The following SLC44A5 variants were observed in gnomAD, a reference collection of about 807,000 sequenced individuals.
SLC44A5 encodes the protein solute carrier family 44 member 5, also known as choline transporter-like protein 5.
A neutral mutation model predicts 101.8 loss-of-function variants in SLC44A5; 57 were observed. That is an observed-to-expected ratio of 0.56 (90% CI 0.45 to 0.70). SLC44A5 has a LOEUF of 0.70. SLC44A5 is among the 30% of genes least tolerant of loss of function. The pLI is 0.00. For synonymous variants in SLC44A5, 281 were observed against 290.9 expected (o/e 0.97, Z 0.35); for missense variants, 737 against 853.1 (o/e 0.86, Z 1.70).
At chr1:75,390,187 GCC>G (rs1393708775) in intron 3 of SLC44A5, among the ~76,000 whole-genome samples, 2 of 151,868 alleles carry the variant, frequency 1.3e-5, no homozygotes, top group Non-Finnish European at 2.9e-5. Context: ...ACCAAAAAAA[GCC>G]CTGTAGCAGA....
At chr1:75,655,989 G>A in the SLC44A5 span, among the ~76,000 whole-genome samples, 1 of 152,010 alleles carries the variant, frequency 6.6e-6, no homozygotes, top group East Asian at 1.9e-4. Context: ...CAAAATTAAA[G>A]GGAAATCCTT....
chr1:75,213,816 G>C, intron 21 of SLC44A5, 23 bp from the exon 22 acceptor site: 1 of 1,578,674 alleles, frequency 6.3e-7, no homozygotes, highest in Middle Eastern at 1.7e-4. Context: ...GGTAGAACAT[G>C]TATATTATAC....
chr1:75,678,802 T>A, the SLC44A5 span, among the ~76,000 whole-genome samples: 1 of 151,996 alleles, frequency 6.6e-6, no homozygotes, highest in African/African-American at 2.4e-5. Flanking sequence ...CTTCAGACGA[T>A]CAAATTACCC....
chr1:75,351,497 G>T (rs987491294), intron 3 of SLC44A5, among the ~76,000 whole-genome samples: 1 of 152,076 alleles, frequency 6.6e-6, no homozygotes, highest in Admixed American at 6.6e-5. Context: ...ATTAAGCAGT[G>T]CACAAAAAGA....
At chr1:75,616,619 C>T in the SLC44A5 span, among the ~76,000 whole-genome samples, 2 of 152,316 alleles carry the variant, frequency 1.3e-5, no homozygotes, top group South Asian at 4.1e-4. Flanking sequence ...GGATAGCGAG[C>T]CCGAATTCCA....
the SLC44A5 span, among the ~76,000 whole-genome samples, chr1:75,676,580 G>A: frequency 1.3e-5 from 2 of 152,174 alleles, no homozygotes; most frequent in African/African-American, 4.8e-5. Flanking sequence ...AGGAAAAATA[G>A]CTAATGCATA....
chr1:75,241,617 A>ATG (rs1391770048), intron 9 of SLC44A5, among the ~76,000 whole-genome samples: 2 of 152,106 alleles, frequency 1.3e-5, no homozygotes, highest in Non-Finnish European at 2.9e-5. Flanking sequence ...AGACAAGTAT[A>ATG]TGTCCTCCCC....
intron 1 of SLC44A5, among the ~76,000 whole-genome samples, chr1:75,560,462 T>G (rs1281278123): frequency 1.3e-5 from 2 of 152,014 alleles, no homozygotes; most frequent in African/African-American, 4.8e-5. Flanking sequence ...TGCTAATGAG[T>G]TTTGGGTTTC....
upstream of SLC44A5, chr1:75,615,905 C>T: frequency 1.0e-5 from 10 of 986,846 alleles, no homozygotes; most frequent in Non-Finnish European, 1.2e-5. Flanking sequence ...CCCTTCCCTC[C>T]CCCGGACCCC....
chr1:75,238,805 T>C (rs1490493697), intron 9 of SLC44A5, among the ~76,000 whole-genome samples, 169 bp from the exon 10 acceptor site: 1 of 152,064 alleles, frequency 6.6e-6, no homozygotes, highest in Admixed American at 6.6e-5. Context: ...TTTCTAATGG[T>C]CCTAAGACTA....
chr1:75,606,025 T>C (rs1033339752), intron 1 of SLC44A5, among the ~76,000 whole-genome samples: 1 of 152,026 alleles, frequency 6.6e-6, no homozygotes, highest in Non-Finnish European at 1.5e-5. Context: ...ACTCCAGTCA[T>C]GACAATCAAA....
In SLC44A5 at chr1:75,536,631, G is replaced by GAAAAAAGAA. The variant is rs59475826; in HGVS notation, c.13+4803_13+4804insTTCTTTTTT. ...AAAAAAAAAAAGAAAAGAAAAGAAA[G>GAAAAAAGAA]AAAAAAAAAGCCTGGCCCATGATAA... On this transcript the variant is annotated intron_variant, in intron 2 of 23. Coordinates refer to ENST00000370859, the MANE Select transcript of SLC44A5 (RefSeq NM_001130058.2). Among the ~76,000 whole-genome samples the GAAAAAAGAA allele has an allele frequency of 1.6e-3, 199 of 126,750 alleles. 3 individuals carry two copies. In the East Asian group the frequency reaches 0.026, roughly 16 times the overall value. 83.2% of individuals were successfully genotyped at this position (126,750 alleles called of 152,430 possible).
the SLC44A5 span, among the ~76,000 whole-genome samples, chr1:75,617,046 G>GA: frequency 6.6e-6 from 1 of 152,168 alleles, no homozygotes; most frequent in African/African-American, 2.4e-5. Flanking sequence ...TGGCGTCCCA[G>GA]AACTGCAAGG....
At chr1:75,214,718 T>C in intron 19 of SLC44A5, 40 bp from the exon 20 acceptor site, 1 of 1,511,608 alleles carries the variant, frequency 6.6e-7, no homozygotes, top group Non-Finnish European at 9.1e-7. Flanking sequence ...GCCAGTAACA[T>C]ACTCTAACAA....
chr1:75,707,324 C>T, the SLC44A5 span, among the ~76,000 whole-genome samples: 1 of 152,180 alleles, frequency 6.6e-6, no homozygotes, highest in African/African-American at 2.4e-5. Context: ...TTATTCAGTG[C>T]AGGCACAATG....
chr1:75,613,285 A>G (rs559165682), upstream of SLC44A5, among the ~76,000 whole-genome samples: 2 of 152,328 alleles, frequency 1.3e-5, no homozygotes, highest in South Asian at 2.1e-4. Context: ...GCCCCTGCCA[A>G]TAAAGCCTAG....
chr1:75,399,283 C>T (rs1210252482), intron 2 of SLC44A5, among the ~76,000 whole-genome samples: 4 of 152,064 alleles, frequency 2.6e-5, no homozygotes, highest in African/African-American at 4.8e-5. Flanking sequence ...TACGGCATAC[C>T]TAGCTAGTAT....
At chr1:75,262,893 A>G (rs1389535191) in intron 6 of SLC44A5, among the ~76,000 whole-genome samples, 1 of 152,338 alleles carries the variant, frequency 6.6e-6, no homozygotes, top group Non-Finnish European at 1.5e-5. Context: ...AGAATTCCCA[A>G]TTTAATAAAT....
At chr1:75,490,743 T>C (rs1050336141) in intron 2 of SLC44A5, among the ~76,000 whole-genome samples, 4 of 152,202 alleles carry the variant, frequency 2.6e-5, no homozygotes, top group Non-Finnish European at 1.5e-5. Flanking sequence ...AGTTTGTATG[T>C]ATGGATAGCA....
Sources: gnomAD v4.1 joint callset for allele counts (sites outside exome capture counted in the v4.1 genomes callset) on GRCh38, gnomAD v4.1.1 for gene constraint, MANE v1.5 for transcripts, NCBI Gene and HGNC (gene_info 2026-07-23, HGNC 2026-07-21) for gene names.